Variants in ACBD5 observed in about 807,000 individuals in gnomAD.
ACBD5 encodes acyl-CoA binding domain containing 5.
In ACBD5, 40 loss-of-function variants were observed where a neutral mutation model predicts 71.8. The observed-to-expected ratio is 0.56, with a 90% CI of 0.43 to 0.72. ACBD5 has a LOEUF of 0.72. ACBD5 is among the 30% of genes least tolerant of loss of function. The pLI, the probability that ACBD5 is intolerant of heterozygous loss-of-function variation, is 0.00. For synonymous variants in ACBD5, 229 were observed against 218.6 expected (o/e 1.05, Z -0.42); for missense variants, 559 against 644.5 (o/e 0.87, Z 1.44).
rs1484127425 is a variant in ACBD5, at chr10:27,205,263, G to A, written c.1405-15C>T. ...GATGATTTTGCCTGTAAATGCAAAT[G>A]AAGGTGACTTAGCCTTGAAAAAATG... is the stretch of plus-strand genomic sequence containing the variant. On this transcript the variant is annotated splice_polypyrimidine_tract_variant and intron_variant, in intron 10 of 12. Coordinates refer to ENST00000396271, the MANE Select transcript of ACBD5 (RefSeq NM_145698.5). 2 of 1,610,596 alleles carry A rather than the reference G, an allele frequency of 1.2e-6. No homozygotes were observed. The highest frequency in any genetic ancestry group is 2.2e-5 in the East Asian group (1 of 44,740).
In ACBD5 at chr10:27,240,769, C is replaced by T. The variant is rs1258625756; in HGVS notation, c.-81G>A. Reference sequence around the variant, plus strand: ...ACCCTGGGGACCCTGGCGGAGCAGCCACACCCCCCATTCCGCCGGAGTCCG... The same window carrying T: ...ACCCTGGGGACCCTGGCGGAGCAGCTACACCCCCCATTCCGCCGGAGTCCG... On this transcript the variant is annotated 5_prime_UTR_variant, in exon 1 of 13. Transcript: ENST00000396271. This position sits in a 1 kb window ranked among gnomAD's most constrained non-coding sequence, Gnocchi z 4.1. 1.9e-6 allele frequency: 3 copies of T among 1,542,618 alleles called. No homozygotes were observed. Among genetic ancestry groups the T allele is most frequent in the East Asian group, 4.9e-5 (2 of 40,858 alleles).
At chr10:27,206,632 C>G (rs373859825) in intron 10 of ACBD5, among the ~76,000 whole-genome samples, 1 of 152,006 alleles carries the variant, frequency 6.6e-6, no homozygotes, top group East Asian at 2.0e-4. Flanking sequence ...TCTCATGCCT[C>G]AGCCTCCTGA....
intron 8 of ACBD5, among the ~76,000 whole-genome samples, chr10:27,214,667 A>C (rs2061440065): frequency 6.6e-6 from 1 of 152,234 alleles, no homozygotes; most frequent in Admixed American, 6.5e-5. Flanking sequence ...ACTGGATCTT[A>C]ATTAACTGAA....
At chr10:27,235,026 T>G (rs1363488871) in intron 3 of ACBD5, 66 bp downstream of exon 3, 1 of 1,480,064 alleles carries the variant, frequency 6.8e-7, no homozygotes, top group Non-Finnish European at 9.4e-7. Context: ...ACCACTTAAG[T>G]AATAGCCATA....
Position 27,208,422 on chromosome 10 carries a change from C to G in ACBD5, c.1228G>C (p.Glu410Gln), listed in dbSNP as rs764818384. The G allele has an allele frequency of 6.2e-7, 1 of 1,614,028 alleles. No homozygotes were observed. Among genetic ancestry groups the G allele is most frequent in the South Asian group, 1.1e-5 (1 of 91,072 alleles). The change falls in exon 10 of 13, where the codon GAA becomes CAA. Residue 410 changes from glutamate (E) to glutamine (Q), a missense_variant. By Grantham distance (29) the Glu-to-Gln change is conservative. Transcript: ENST00000396271. ...GRGHRMQHLS[E>Q]GTKGRQVGSG... The stretch of plus-strand genomic sequence containing the variant: ...CCCACCTGCCGGCCCTTGGTTCCTT[C>G]GCTCAAGTGTTGCATCCTATGTCCT...
chr10:27,223,789 G>A (rs2062666953), intron 4 of ACBD5, among the ~76,000 whole-genome samples: 1 of 151,996 alleles, frequency 6.6e-6, no homozygotes, highest in Non-Finnish European at 1.5e-5. Context: ...GTGTGTCTGT[G>A]GTCCCAGCTA....
rs1361351498 is a variant in ACBD5, at chr10:27,240,655, C to A, written c.15+19G>T. 6.4e-7 allele frequency: 1 copy of A among 1,550,964 alleles called. No individual in the cohort carries two copies. The highest frequency in any genetic ancestry group is 8.7e-7 in the Non-Finnish European group (1 of 1,146,978). On this transcript the variant is annotated intron_variant, in intron 1 of 12. Coordinates refer to ENST00000396271, the MANE Select transcript of ACBD5 (RefSeq NM_145698.5). The surrounding 1 kb of genome is among the most constrained non-coding windows in gnomAD (Gnocchi z 4.1). ...CTAAGGCCACGAATCCGGCCCGCGA[C>A]GACAGCAAAACAACTCACCGAGAGG...
At chr10:27,186,753 G>T in intron 13 of ACBD5, 1 of 558,356 alleles carries the variant, frequency 1.8e-6, no homozygotes, top group South Asian at 2.1e-5. Context: ...AATCTTCAAA[G>T]CTTTTTTCAT....
chr10:27,240,532 G>A lies in ACBD5; in HGVS notation c.16-48C>T, dbSNP rs1219077564. On this transcript the variant is annotated intron_variant, in intron 1 of 12. Coordinates refer to ENST00000396271, the MANE Select transcript of ACBD5 (RefSeq NM_145698.5). This position sits in a 1 kb window ranked among gnomAD's most constrained non-coding sequence, Gnocchi z 4.1. ...GGATCAACATGCCCCAAAAGGAGGA[G>A]GCCCGGGAGCGAAGCGGGTCAGTTC... 5.1e-6 allele frequency: 8 copies of A among 1,559,074 alleles called. No homozygotes were observed. Among genetic ancestry groups the A allele is most frequent in the South Asian group, 1.2e-5 (1 of 85,764 alleles).
chr10:27,228,488 A>C (rs2063372054), intron 4 of ACBD5, among the ~76,000 whole-genome samples: 1 of 151,772 alleles, frequency 6.6e-6, no homozygotes, highest in African/African-American at 2.4e-5. Context: ...GAGGCAGGAG[A>C]ATGGTGTGAA....
intron 5 of ACBD5, chr10:27,220,554 TG>T (rs2062204226): frequency 6.6e-6 from 1 of 152,226 alleles, no homozygotes; most frequent in Non-Finnish European, 1.5e-5. Context: ...CCAATGCTGT[TG>T]GTTACTGGAC....
chr10:27,240,808 G>A (rs1030425868), upstream of ACBD5: 6 of 1,442,490 alleles, frequency 4.2e-6, no homozygotes, highest in East Asian at 7.4e-5. This position sits in a 1 kb window ranked among gnomAD's most constrained non-coding sequence, Gnocchi z 4.1. Context: ...GTCAGTCCGT[G>A]CCCTCCCCAC....
At position 27,223,441 on chromosome 10, in the gene ACBD5, A is replaced by G. The variant is rs755359491; in HGVS notation, c.387T>C (p.Thr129=). The G allele has an allele frequency of 1.9e-6, 3 of 1,611,762 alleles. No homozygotes were observed. The highest frequency in any genetic ancestry group is 2.5e-6 in the Non-Finnish European group (3 of 1,178,668). ...CTTCAACTTTCTCAGTCATTGGCAT[A>G]GTTTCAATAATCTGTAATCAAAAGA... ...YVEEMKKIIE[T]MPMTEKVEEL... is the part of the protein sequence containing the mutation. Residue 129 remains threonine, a synonymous_variant, in exon 5 of 13, where the codon ACT becomes ACC. Transcript: ENST00000396271.
intron 12 of ACBD5, among the ~76,000 whole-genome samples, chr10:27,202,969 CTTTTTTTTTT>C (rs775633178): frequency 8.5e-5 from 6 of 70,780 alleles, no homozygotes; most frequent in East Asian, 1.0e-3. Flanking sequence ...TCTATATCCT[CTTTTTTTTTT>C]TTTTTTTTTT....
At chr10:27,216,973 C>T (rs533070746) in intron 7 of ACBD5, among the ~76,000 whole-genome samples, 38 of 151,846 alleles carry the variant, frequency 2.5e-4, no homozygotes, top group African/African-American at 7.0e-4. Context: ...GGTGAAACCC[C>T]GTCTCACTAA....
intron 5 of ACBD5, 138 bp from the exon 6 acceptor site, chr10:27,219,995 T>C: frequency 1.7e-6 from 1 of 583,246 alleles, no homozygotes; most frequent in South Asian, 4.3e-5. Context: ...ATAGTATTAT[T>C]TTCTTTGACT....
chr10:27,215,718 GA>G, intron 7 of ACBD5, 77 bp from the exon 8 acceptor site: 1 of 1,063,918 alleles, frequency 9.4e-7, no homozygotes, highest in South Asian at 1.3e-5. Flanking sequence ...TTGTTTTTTT[GA>G]GATGGAGTCT....
At chr10:27,183,273 TTG>T (rs2058432227) in intron 13 of ACBD5, among the ~76,000 whole-genome samples, 2 of 22,392 alleles carry the variant, frequency 8.9e-5, no homozygotes, top group African/African-American at 1.2e-4. Context: ...AATTCTTTTG[TTG>T]TTGTTGTTGT....
At chr10:27,241,897 A>C (rs987347413), upstream of ACBD5, among the ~76,000 whole-genome samples, 1 of 151,894 alleles carries the variant, frequency 6.6e-6, no homozygotes, top group Admixed American at 6.6e-5. Flanking sequence ...GGGACTGACT[A>C]GGTTGTGGGG....
Sources: allele counts gnomAD v4.1 joint callset (sites outside exome capture counted in the v4.1 genomes callset), GRCh38; gene constraint gnomAD v4.1.1; non-coding constraint Gnocchi (gnomAD v3.1); transcripts MANE v1.5; gene names NCBI Gene and HGNC (gene_info 2026-07-23, HGNC 2026-07-21).